EXT2: variants seen among roughly 807,000 people sequenced by gnomAD.
EXT2 encodes the protein exostosin glycosyltransferase 2.
A neutral mutation model predicts 81.6 loss-of-function variants in EXT2; 53 were observed. The observed-to-expected ratio is 0.65, with a 90% CI of 0.52 to 0.82. The LOEUF is 0.82. Among genes scored for constraint, EXT2 ranks in the 40% least tolerant of loss-of-function variants. The pLI, the probability that EXT2 is intolerant of heterozygous loss-of-function variation, is 0.00. For synonymous variants in EXT2, 320 were observed against 340.0 expected (o/e 0.94, Z 0.65); for missense variants, 774 against 910.2 (o/e 0.85, Z 1.93).
chr11:44,115,613 TA>T (rs1334572277), intron 4 of EXT2, among the ~76,000 whole-genome samples: 1 of 152,218 alleles, frequency 6.6e-6, no homozygotes, highest in Non-Finnish European at 1.5e-5. Context: ...ATTTTGACAC[TA>T]AAAATGTTGT....
chr11:44,137,297 C>T (rs1339155980), intron 7 of EXT2, among the ~76,000 whole-genome samples: 2 of 152,162 alleles, frequency 1.3e-5, no homozygotes, highest in Admixed American at 1.3e-4. Context: ...AAGGTTTGGA[C>T]TGATTTGCAG....
intron 8 of EXT2, 42 bp from the exon 9 acceptor site, chr11:44,197,787 T>C (rs1395659984): frequency 3.7e-6 from 6 of 1,608,880 alleles, no homozygotes; most frequent in South Asian, 2.2e-5. Flanking sequence ...GCCATATTGT[T>C]ACAGCTGCTT....
At chr11:44,151,362 C>T (rs1954789095) in intron 7 of EXT2, among the ~76,000 whole-genome samples, 1 of 152,058 alleles carries the variant, frequency 6.6e-6, no homozygotes, top group African/African-American at 2.4e-5. Flanking sequence ...CCTAAAAATC[C>T]TCTGTGCTCT....
In EXT2 at chr11:44,095,998, C is replaced by T. The variant is rs991492005; in HGVS notation, c.-31+146C>T. 4 of 528,740 alleles carry T rather than the reference C, an allele frequency of 7.6e-6. No individual in the cohort carries two copies. In the African/African-American group the frequency reaches 7.6e-5, roughly 10 times the overall value. 32.8% of individuals were successfully genotyped at this position (528,740 alleles called of 1,614,324 possible). The stretch of plus-strand genomic sequence containing the variant: ...GAGGCCCGTGGGCTGCGAGAGGCCA[C>T]CCCCAGCCCCGCCGGGGCTGTGACA... On this transcript the variant is annotated intron_variant, in intron 1 of 13. Transcript: ENST00000533608.
chr11:44,246,527 T>C lies in EXT2; in HGVS notation c.*2240T>C, dbSNP rs887729874. 2.0e-5 allele frequency among the ~76,000 whole-genome samples: 3 copies of C among 152,234 alleles called. No individual in the cohort carries two copies. The highest frequency in any genetic ancestry group is 7.2e-5 in the African/African-American group (3 of 41,456). ...ACTTTAAAGGCATTACAACTCCATT[T>C]AAAGTACCTCATTACTCCCAGGAAT... is the stretch of plus-strand genomic sequence containing the variant. On this transcript the variant is annotated 3_prime_UTR_variant, in exon 14 of 14. Transcript: ENST00000533608.
rs1956104754 is a variant in EXT2 at position 44,247,403 on chromosome 11, C to A, written c.*3116C>A. 6.7e-6 allele frequency among the ~76,000 whole-genome samples: 1 copy of A among 148,988 alleles called. No homozygotes were observed. The highest frequency in any genetic ancestry group is 2.5e-5 in the African/African-American group (1 of 40,218). On this transcript the variant is annotated 3_prime_UTR_variant, in exon 14 of 14. Transcript: ENST00000533608. ...TAGCTGGGATTACAGGCGCTTGCCACCACGCCTGGCTAATTTGTTTGTAAT... is the reference window on the plus strand; with the variant it reads ...TAGCTGGGATTACAGGCGCTTGCCAACACGCCTGGCTAATTTGTTTGTAAT...
intron 7 of EXT2, among the ~76,000 whole-genome samples, chr11:44,159,753 G>C (rs1386129053): frequency 6.6e-6 from 1 of 152,114 alleles, no homozygotes; most frequent in African/African-American, 2.4e-5. Context: ...GGCCTTCAAT[G>C]GTATGGTGGT....
At chr11:44,109,394 A>G (rs562732715) in intron 3 of EXT2, 111 bp downstream of exon 3, 6 of 1,012,808 alleles carry the variant, frequency 5.9e-6, no homozygotes, top group Non-Finnish European at 9.1e-6. Flanking sequence ...TGTTTATTAA[A>G]CTAGAAAATT....
At chr11:44,139,121 T>TC (rs60973613) in intron 7 of EXT2, among the ~76,000 whole-genome samples, 6 of 29,466 alleles carry the variant, frequency 2.0e-4, no homozygotes, top group Non-Finnish European at 4.6e-4. Context: ...CTCTCTCTCC[T>TC]TTTTTTTTTT....
At chr11:44,193,559 AT>A (rs1590636392) in intron 8 of EXT2, among the ~76,000 whole-genome samples, 1 of 152,260 alleles carries the variant, frequency 6.6e-6, no homozygotes, top group African/African-American at 2.4e-5. Context: ...CTGGATTCCG[AT>A]TAAGAACTTG....
At chr11:44,156,505 T>C (rs116244121) in intron 7 of EXT2, among the ~76,000 whole-genome samples, 1,812 of 152,328 alleles carry the variant, frequency 0.012, 27 homozygotes, top group African/African-American at 0.039. Context: ...GTTGAGAGAT[T>C]GATGTATTCT....
intron 4 of EXT2, among the ~76,000 whole-genome samples, chr11:44,119,169 T>TATACACACAC (rs1192115471): frequency 6.3e-5 from 4 of 63,122 alleles, no homozygotes; most frequent in African/African-American, 2.4e-4. Flanking sequence ...TATATATATA[T>TATACACACAC]ACACATACAC....
chr11:44,211,067 C>T (rs772176196), intron 10 of EXT2, among the ~76,000 whole-genome samples: 6 of 152,116 alleles, frequency 3.9e-5, no homozygotes, highest in African/African-American at 1.2e-4. Flanking sequence ...TATAAAGCTA[C>T]GGTAATCAAG....
intron 5 of EXT2, among the ~76,000 whole-genome samples, chr11:44,126,052 CT>C (rs112375040): frequency 5.9e-5 from 9 of 152,188 alleles, no homozygotes; most frequent in African/African-American, 1.9e-4. Context: ...TTTAAAAAAT[CT>C]TTTTCCTCCT....
intron 13 of EXT2, among the ~76,000 whole-genome samples, chr11:44,242,305 C>A (rs1590674420): frequency 6.6e-6 from 1 of 152,114 alleles, no homozygotes; most frequent in African/African-American, 2.4e-5. Context: ...ATGCTTTGAC[C>A]CCATAATTTG....
intron 7 of EXT2, among the ~76,000 whole-genome samples, chr11:44,142,404 G>A (rs747501969): frequency 1.3e-5 from 2 of 152,166 alleles, no homozygotes; most frequent in Non-Finnish European, 2.9e-5. Flanking sequence ...TGGCAATATA[G>A]TTATTTTTCT....
At chr11:44,112,513 A>G (rs1051348191) in intron 3 of EXT2, among the ~76,000 whole-genome samples, 4 of 152,222 alleles carry the variant, frequency 2.6e-5, no homozygotes, top group African/African-American at 9.6e-5. Flanking sequence ...TGTTCTGTAA[A>G]GCAAGGGATG....
At position 44,107,747 on chromosome 11, in the gene EXT2, C is replaced by G; in HGVS notation, c.35C>G (p.Pro12Arg). Residue 12 changes from proline (P) to arginine (R), a missense_variant, in exon 2 of 14, where the codon CCT becomes CGT. By Grantham distance (103) the Pro-to-Arg change is moderately radical. This residue lies in a region of EXT2 where 626 missense variants were observed against 670.5 expected (regional missense o/e 0.93). Transcript: ENST00000533608. ...CASVKYNIRG[P>R]ALIPRMKTKH... ...TCGGTCAAGTATAATATCCGGGGTC[C>G]TGCCCTCATCCCAAGAATGAAGACC... is the stretch of plus-strand genomic sequence containing the variant. The G allele has an allele frequency of 6.2e-7, 1 of 1,614,180 alleles. No homozygotes were observed. The highest frequency in any genetic ancestry group is 1.1e-5 in the South Asian group (1 of 91,076).
At chr11:44,102,985 C>A (rs1182472125) in intron 1 of EXT2, among the ~76,000 whole-genome samples, 1 of 152,220 alleles carries the variant, frequency 6.6e-6, no homozygotes, top group East Asian at 1.9e-4. Flanking sequence ...ATTCTTCAGG[C>A]TTGCAGCTTG....
Sources: allele counts gnomAD v4.1 joint callset (sites outside exome capture counted in the v4.1 genomes callset), GRCh38; gene constraint gnomAD v4.1.1; regional missense constraint gnomAD v4.1.1; transcripts MANE v1.5; gene names NCBI Gene and HGNC (gene_info 2026-07-23, HGNC 2026-07-21).